The following MTAP variants were observed in gnomAD, a reference collection of about 807,000 sequenced individuals.
MTAP encodes the protein S-methyl-5'-thioadenosine phosphorylase.
MTAP carries 33 observed loss-of-function variants against 33.6 expected under a neutral mutation model. The ratio of observed to expected loss-of-function variants is 0.98; its 90% confidence interval spans 0.74 to 1.31. The LOEUF (loss-of-function observed/expected upper bound fraction) is 1.31, where lower values mean the gene tolerates loss of function less well. MTAP is among the 40% of genes most tolerant of loss of function. The pLI, the probability that MTAP is intolerant of heterozygous loss-of-function variation, is 0.00. For synonymous variants in MTAP, 148 were observed against 125.7 expected (o/e 1.18, Z -1.19); for missense variants, 367 against 360.0 (o/e 1.02, Z -0.16).
intron 1 of MTAP, among the ~76,000 whole-genome samples, chr9:21,804,815 G>C (rs1000366210): frequency 5.9e-5 from 9 of 152,226 alleles, no homozygotes; most frequent in Admixed American, 3.3e-4. Context: ...TAAGTATCCA[G>C]AATTACACAG....
At position 21,922,053 on chromosome 9, in the gene MTAP, A is replaced by G. The variant is rs995130181; in HGVS notation, c.148-8955A>G. The stretch of plus-strand genomic sequence containing the variant: ...TGCCAGAGAAAGGCAGTCTCCCAAT[A>G]TATGGAAAACACTTGAAGCCGGTGG... On this transcript the variant is annotated intron_variant, in intron 1 of 1. Transcript: ENST00000577563. The surrounding 1 kb of genome is among the most constrained non-coding windows in gnomAD (Gnocchi z 4.8). Among the ~76,000 whole-genome samples the G allele has an allele frequency of 1.3e-5, 2 of 152,122 alleles. No individual in the cohort carries two copies. Among genetic ancestry groups the G allele is most frequent in the Non-Finnish European group, 2.9e-5 (2 of 68,020 alleles).
rs137992314 is a variant in MTAP at position 21,847,759 on chromosome 9, G to C, written c.451-6872G>C. Among the ~76,000 whole-genome samples the C allele has an allele frequency of 1.5e-4, 23 of 152,334 alleles. No homozygotes were observed. In the Middle Eastern group the frequency reaches 0.014, roughly 90 times the overall value. On this transcript the variant is annotated intron_variant, in intron 5 of 7. Coordinates refer to ENST00000644715, the MANE Select transcript of MTAP (RefSeq NM_002451.4). The stretch of plus-strand genomic sequence containing the variant: ...GCAGCAGATACTGAGCCTCAGATCT[G>C]CTAAGATTGTTCTGAATGAAAGACT...
At chr9:21,926,866 G>A (rs1210008795) in intron 1 of MTAP, among the ~76,000 whole-genome samples, 1 of 152,156 alleles carries the variant, frequency 6.6e-6, no homozygotes, top group Non-Finnish European at 1.5e-5. Flanking sequence ...TGATCCCACA[G>A]AGAACATAAG....
chr9:21,864,238 C>G lies in MTAP; in HGVS notation c.*2224C>G. 6 of 985,384 alleles carry G rather than the reference C, an allele frequency of 6.1e-6. No homozygotes were observed. The highest frequency in any genetic ancestry group is 7.2e-6 in the Non-Finnish European group (6 of 829,918). 61.0% of individuals were successfully genotyped at this position (985,384 alleles called of 1,614,324 possible). ...AATGCAGTATACTCTTTTCTTTGTT[C>G]TCAATCATTCACTCCTTATGCAAAG... On this transcript the variant is annotated 3_prime_UTR_variant, in exon 8 of 8. Transcript: ENST00000644715.
intron 1 of MTAP, among the ~76,000 whole-genome samples, chr9:21,882,470 A>G (rs528969854): frequency 1.3e-5 from 2 of 152,160 alleles, no homozygotes; most frequent in East Asian, 3.9e-4. Context: ...TAGGATGGCA[A>G]TATTCTTGTA....
chr9:21,813,496 C>T (rs72691563), intron 1 of MTAP, among the ~76,000 whole-genome samples: 55,095 of 152,048 alleles, frequency 0.36, 11,055 homozygotes, highest in South Asian at 0.54. Context: ...TGAAATTCAG[C>T]GGGACACCTG....
Position 21,832,823 on chromosome 9 carries a change from G to A in MTAP, c.348-5085G>A, listed in dbSNP as rs1825008005. Among the ~76,000 whole-genome samples, 3 of 152,132 alleles carry A rather than the reference G, an allele frequency of 2.0e-5. No homozygotes were observed. The South Asian group carries it at 6.2e-4, about 32-fold the overall frequency. ...GCAGTCATTATTCCAGTTTATACTT[G>A]AAGAAACTTAGGCCCTTACTATGTT... is the stretch of plus-strand genomic sequence containing the variant. On this transcript the variant is annotated intron_variant, in intron 4 of 7. Coordinates refer to ENST00000644715, the MANE Select transcript of MTAP (RefSeq NM_002451.4).
At chr9:21,852,029 A>G (rs1825523996) in intron 5 of MTAP, among the ~76,000 whole-genome samples, 1 of 152,192 alleles carries the variant, frequency 6.6e-6, no homozygotes, top group Non-Finnish European at 1.5e-5. Flanking sequence ...CCCTCTAGAG[A>G]ACTCTGACTA....
chr9:21,854,922 T>C (rs1825601839), intron 6 of MTAP, 52 bp downstream of exon 6: 4 of 1,596,322 alleles, frequency 2.5e-6, no homozygotes, highest in South Asian at 1.1e-5. Context: ...TGGGTGCCAA[T>C]AGGGTGTCTT....
At chr9:21,830,006 GTGTGA>G (rs1824927615) in intron 4 of MTAP, among the ~76,000 whole-genome samples, 1 of 152,176 alleles carries the variant, frequency 6.6e-6, no homozygotes, top group African/African-American at 2.4e-5. Context: ...GGAGCCCTGG[GTGTGA>G]CTGCCCTGGA....
intron 5 of MTAP, among the ~76,000 whole-genome samples, chr9:21,844,438 A>G (rs1371190262): frequency 6.6e-6 from 1 of 152,182 alleles, no homozygotes; most frequent in Non-Finnish European, 1.5e-5. Flanking sequence ...AAAGACAACT[A>G]CAGACCAATA....
In MTAP at chr9:21,889,240, G is replaced by A. The variant is rs143163272; in HGVS notation, c.147+34370G>A. Among the ~76,000 whole-genome samples, 17 of 152,156 alleles carry A rather than the reference G, an allele frequency of 1.1e-4. 1 individual carries two copies. The South Asian group carries it at 3.5e-3, about 32-fold the overall frequency. On this transcript the variant is annotated intron_variant, in intron 1 of 1. Transcript: ENST00000577563. ...AAAAGCCTTGTCCTCAAGCTCTGCAGTTCTTTCTTCCACTTGTTTGAGCCT... is the reference window on the plus strand; with the variant it reads ...AAAAGCCTTGTCCTCAAGCTCTGCAATTCTTTCTTCCACTTGTTTGAGCCT...
intron 1 of MTAP, among the ~76,000 whole-genome samples, chr9:21,880,630 TTATAAA>T (rs1817991491): frequency 6.6e-6 from 1 of 152,066 alleles, no homozygotes; most frequent in East Asian, 1.9e-4. Context: ...CAAAATCAAA[TTATAAA>T]TATAATCCTA....
intron 4 of MTAP, among the ~76,000 whole-genome samples, chr9:21,821,616 G>T (rs1424465326): frequency 6.6e-6 from 1 of 152,138 alleles, no homozygotes; most frequent in East Asian, 1.9e-4. Context: ...CCAGGCTTTG[G>T]TATCAGGATG....
In MTAP at chr9:21,866,002, T is replaced by G. The variant is rs923773494; in HGVS notation, c.*3988T>G. 6.1e-6 allele frequency: 1 copy of G among 163,640 alleles called. No homozygotes were observed. Among genetic ancestry groups the G allele is most frequent in the Admixed American group, 6.5e-5 (1 of 15,284 alleles). The allele number at this position is 163,640 out of a possible 1,614,324, so 10.1% of individuals were successfully genotyped here. A position where few individuals can be genotyped will look rare whatever the true frequency, so the allele number is the denominator to read the frequency against. On this transcript the variant is annotated 3_prime_UTR_variant, in exon 8 of 8. Transcript: ENST00000644715. ...AGTCTTTTTGTGAACATATTTTCAC[T>G]TGTGCAAATGCCTATACTCCCACCA... is the stretch of plus-strand genomic sequence containing the variant.
intron 1 of MTAP, among the ~76,000 whole-genome samples, chr9:21,926,584 G>A (rs770163911): frequency 1.3e-5 from 2 of 152,172 alleles, no homozygotes; most frequent in Non-Finnish European, 1.5e-5. Flanking sequence ...GGAGTCTACA[G>A]CTAATCTGGA....
intron 1 of MTAP, among the ~76,000 whole-genome samples, chr9:21,890,223 G>A (rs1339530039): frequency 6.6e-6 from 1 of 151,990 alleles, no homozygotes; most frequent in African/African-American, 2.4e-5. Flanking sequence ...GGAAGTGGGG[G>A]AAAGCTGATA....
chr9:21,926,026 T>C (rs911867620), intron 1 of MTAP, among the ~76,000 whole-genome samples: 2 of 152,204 alleles, frequency 1.3e-5, no homozygotes, highest in African/African-American at 4.8e-5. Flanking sequence ...TGGGTAGAGA[T>C]ATTTTATTTA....
intron 1 of MTAP, among the ~76,000 whole-genome samples, chr9:21,918,680 G>T (rs567253076): frequency 6.6e-6 from 1 of 152,118 alleles, no homozygotes; most frequent in Non-Finnish European, 1.5e-5. Context: ...CATGGAGGTG[G>T]GTCTTTCTCG....
Sources: gnomAD v4.1 joint callset for allele counts (sites outside exome capture counted in the v4.1 genomes callset) on GRCh38, gnomAD v4.1.1 for gene constraint, Gnocchi (gnomAD v3.1) non-coding constraint, MANE v1.5 for transcripts, NCBI Gene and HGNC (gene_info 2026-07-23, HGNC 2026-07-21) for gene names.